The following PPP1R12B variants were observed in gnomAD, a reference collection of about 807,000 sequenced individuals.
PPP1R12B encodes the protein myosin phosphatase target subunit 2.
A neutral mutation model predicts 126.1 loss-of-function variants in PPP1R12B; 76 were observed. The ratio of observed to expected loss-of-function variants is 0.60; its 90% CI spans 0.50 to 0.73. The LOEUF (loss-of-function observed/expected upper bound fraction) is 0.73, where lower values mean the gene tolerates loss of function less well. Among genes scored for constraint, PPP1R12B ranks in the 30% least tolerant of loss-of-function variants. The pLI is 0.00. For missense variants in PPP1R12B, 1,052 were observed against 1,205.1 expected (o/e 0.87, Z 1.88); for synonymous variants, 356 against 434.7 (o/e 0.82, Z 2.25).
chr1:202,489,725 T>A (rs578099008), intron 14 of PPP1R12B, among the ~76,000 whole-genome samples: 1 of 152,324 alleles, frequency 6.6e-6, no homozygotes, highest in East Asian at 1.9e-4. Context: ...AGTATGTGGT[T>A]TCTTTTTGGG....
In PPP1R12B at chr1:202,587,705, C is replaced by G; in HGVS notation, c.*7145C>G. Reference sequence around the variant, plus strand: ...AGTCGGAGTGCCAGTCGTCGGGGCCCACTATTCCTGAATAAGGGACATGCA... The same window carrying G: ...AGTCGGAGTGCCAGTCGTCGGGGCCGACTATTCCTGAATAAGGGACATGCA... On this transcript the variant is annotated 3_prime_UTR_variant, in exon 24 of 24. Coordinates refer to ENST00000608999, the MANE Select transcript of PPP1R12B (RefSeq NM_002481.4). The G allele has an allele frequency of 2.0e-5, 3 of 152,278 alleles. No individual in the cohort carries two copies. Among genetic ancestry groups the G allele is most frequent in the Admixed American group, 2.0e-4 (3 of 15,296 alleles). 9.4% of individuals were successfully genotyped at this position (152,278 alleles called of 1,614,324 possible). A position where few individuals can be genotyped will look rare whatever the true frequency, so the allele number is the denominator to read the frequency against.
intron 3 of PPP1R12B, among the ~76,000 whole-genome samples, chr1:202,423,074 G>A (rs1427826631): frequency 3.9e-5 from 6 of 152,146 alleles, no homozygotes; most frequent in Non-Finnish European, 8.8e-5. Flanking sequence ...TTTGAGAATT[G>A]GCTAAACTGA....
At chr1:202,524,021 T>C (rs1185944766) in intron 18 of PPP1R12B, among the ~76,000 whole-genome samples, 2 of 152,150 alleles carry the variant, frequency 1.3e-5, no homozygotes, top group Non-Finnish European at 2.9e-5. Context: ...CCAATCTGAC[T>C]TAAGTTTTAA....
In PPP1R12B at chr1:202,562,676, G is replaced by A. The variant is rs769216776; in HGVS notation, c.2508-102G>A. On this transcript the variant is annotated intron_variant, in intron 19 of 23. Transcript: ENST00000608999. ...ATGAGTTGTTTCTGGCCAGGGCTCCGAAATACTTCTTAGAAAAGGCGCAAA... is the reference window on the plus strand; with the variant it reads ...ATGAGTTGTTTCTGGCCAGGGCTCCAAAATACTTCTTAGAAAAGGCGCAAA... The A allele has an allele frequency of 2.4e-5, 32 of 1,325,024 alleles. No individual in the cohort carries two copies. The African/African-American group carries it at 3.3e-4, about 14-fold the overall frequency. The allele number at this position is 1,325,024 out of a possible 1,614,324, so 82.1% of individuals were successfully genotyped here.
chr1:202,451,825 G>C (rs1424606573), intron 13 of PPP1R12B, among the ~76,000 whole-genome samples: 1 of 151,642 alleles, frequency 6.6e-6, no homozygotes, highest in Admixed American at 6.6e-5. Context: ...CTCCCGGACG[G>C]GGCAGCTGGC....
intron 13 of PPP1R12B, among the ~76,000 whole-genome samples, chr1:202,449,740 G>C (rs1370857884): frequency 1.3e-5 from 2 of 152,002 alleles, no homozygotes; most frequent in Non-Finnish European, 2.9e-5. Context: ...AGGCTGGAGT[G>C]CAGTGGCGCG....
chr1:202,516,803 C>A (rs552014472), intron 18 of PPP1R12B, among the ~76,000 whole-genome samples: 152 of 152,286 alleles, frequency 1.0e-3, no homozygotes, highest in African/African-American at 3.4e-3. Context: ...TTCTTGCCTA[C>A]TCCTGCAAGA....
chr1:202,427,341 A>G (rs906134193), intron 5 of PPP1R12B, among the ~76,000 whole-genome samples, 157 bp downstream of exon 5: 1 of 152,178 alleles, frequency 6.6e-6, no homozygotes, highest in Non-Finnish European at 1.5e-5. Flanking sequence ...CTCTGGCCCT[A>G]TTAACACAGA....
Position 202,592,385 on chromosome 1 carries a change from G to A in PPP1R12B, c.*11825G>A, listed in dbSNP as rs765968345. 5 of 152,668 alleles carry A rather than the reference G, an allele frequency of 3.3e-5. No individual in the cohort carries two copies. Among genetic ancestry groups the A allele is most frequent in the East Asian group, 1.9e-4 (1 of 5,194 alleles). 9.5% of individuals were successfully genotyped at this position (152,668 alleles called of 1,614,324 possible). ...TGATGACTCCCATGGGGGGTTTCCC[G>A]ATGGGAGGAGGCAGGGGTGGGGCTG... On this transcript the variant is annotated 3_prime_UTR_variant, in exon 24 of 24. Transcript: ENST00000608999.
chr1:202,575,468 C>A, intron 23 of PPP1R12B: 1 of 227,006 alleles, frequency 4.4e-6, no homozygotes, highest in South Asian at 1.3e-4. Context: ...CGTGTATGTG[C>A]ATATACCTGT....
At chr1:202,546,037 A>G (rs1246349463) in intron 18 of PPP1R12B, among the ~76,000 whole-genome samples, 3 of 152,230 alleles carry the variant, frequency 2.0e-5, no homozygotes, top group African/African-American at 4.8e-5. Context: ...AGAATTGCAT[A>G]TTAGAGAAAT....
chr1:202,546,669 G>C (rs1413502318), intron 18 of PPP1R12B, among the ~76,000 whole-genome samples: 1 of 152,162 alleles, frequency 6.6e-6, no homozygotes, highest in Non-Finnish European at 1.5e-5. Flanking sequence ...ATGCTGTTGA[G>C]TGGGGAAATG....
At chr1:202,504,121 G>C (rs1443223852) in intron 18 of PPP1R12B, among the ~76,000 whole-genome samples, 2 of 152,110 alleles carry the variant, frequency 1.3e-5, no homozygotes, top group Non-Finnish European at 2.9e-5. Flanking sequence ...GAGGCCGGCC[G>C]TAGTGGCTCA....
At chr1:202,529,368 G>A (rs919053747) in intron 18 of PPP1R12B, among the ~76,000 whole-genome samples, 1 of 150,680 alleles carries the variant, frequency 6.6e-6, no homozygotes, top group African/African-American at 2.4e-5. Flanking sequence ...CCCAGATGAA[G>A]AGAGCAGCCT....
intron 13 of PPP1R12B, chr1:202,473,872 C>T (rs11587179): frequency 1.9e-6 from 1 of 525,364 alleles, no homozygotes; most frequent in African/African-American, 1.9e-5. Flanking sequence ...CAGTCTTTCC[C>T]AGCAGCCACT....
intron 1 of PPP1R12B, among the ~76,000 whole-genome samples, chr1:202,384,936 C>CAAT (rs1468024735): frequency 2.0e-5 from 3 of 152,186 alleles, no homozygotes; most frequent in Admixed American, 1.3e-4. Context: ...TTTCCACTTA[C>CAAT]AATTGCTGTT....
chr1:202,460,523 A>C (rs1674178780), intron 13 of PPP1R12B, among the ~76,000 whole-genome samples: 1 of 152,196 alleles, frequency 6.6e-6, no homozygotes, highest in Non-Finnish European at 1.5e-5. Context: ...GGCAGTTGTC[A>C]ATTCAAAAAG....
intron 23 of PPP1R12B, chr1:202,574,899 AC>A (rs1558393263): frequency 2.5e-6 from 3 of 1,222,590 alleles, no homozygotes; most frequent in African/African-American, 1.5e-5. Flanking sequence ...AAAAACAAAA[AC>A]AAAAAGTCAT....
chr1:202,355,890 T>A (rs1400485436), intron 1 of PPP1R12B, among the ~76,000 whole-genome samples: 1 of 152,106 alleles, frequency 6.6e-6, no homozygotes, highest in African/African-American at 2.4e-5. Context: ...CCTATAGGTG[T>A]TTAGCATGGT....
Sources: allele counts gnomAD v4.1 joint callset (sites outside exome capture counted in the v4.1 genomes callset), GRCh38; gene constraint gnomAD v4.1.1; transcripts MANE v1.5; gene names NCBI Gene and HGNC (gene_info 2026-07-23, HGNC 2026-07-21).